The following ADAM22 variants were observed in gnomAD, a reference collection of about 807,000 sequenced individuals.
ADAM22 encodes the protein ADAM metallopeptidase domain 22, also known as disintegrin and metalloproteinase domain-containing protein 22.
A neutral mutation model predicts 144.6 loss-of-function variants in ADAM22; 65 were observed. The ratio of observed to expected loss-of-function variants is 0.45; its 90% CI spans 0.37 to 0.55. The LOEUF is 0.55. Among genes scored for constraint, ADAM22 ranks in the 20% least tolerant of loss-of-function variants. The probability of loss-of-function intolerance (pLI) is 0.00; values close to 1 mark genes in which losing one functional copy is unlikely to be tolerated. For synonymous variants in ADAM22, 391 were observed against 412.6 expected, an observed-to-expected ratio of 0.95 and a Z score of 0.63; for missense variants, 974 against 1,184.9, an observed-to-expected ratio of 0.82 and a Z score of 2.61.
chr7:88,021,637 G>A (rs1401836187), intron 3 of ADAM22, among the ~76,000 whole-genome samples: 1 of 152,074 alleles, frequency 6.6e-6, no homozygotes, highest in East Asian at 1.9e-4. Flanking sequence ...TTCTTCAATG[G>A]ACTTTTCAGT....
intron 3 of ADAM22, among the ~76,000 whole-genome samples, chr7:88,025,248 G>T (rs1175039990): frequency 6.6e-6 from 1 of 152,144 alleles, no homozygotes; most frequent in Admixed American, 6.5e-5. Context: ...TGAGTTGTTT[G>T]AGCTCCTTGT....
At chr7:88,066,442 C>G (rs1368395123) in intron 3 of ADAM22, among the ~76,000 whole-genome samples, 1 of 152,028 alleles carries the variant, frequency 6.6e-6, no homozygotes, top group African/African-American at 2.4e-5. Context: ...TCATGTTTGT[C>G]AAGCAAGATC....
rs1811857864 is a variant in ADAM22 at position 88,068,429 on chromosome 7, T to G, written c.324-7197T>G. Among the ~76,000 whole-genome samples, 3 of 152,314 alleles carry G rather than the reference T, an allele frequency of 2.0e-5. No individual in the cohort carries two copies. The South Asian group carries it at 6.2e-4, about 32-fold the overall frequency. The stretch of plus-strand genomic sequence containing the variant: ...GATTGTGAACTATGATCTGTGGGCT[T>G]CTTTTATTTTCACTGGTTGGATTAT... On this transcript the variant is annotated intron_variant, in intron 3 of 31. Transcript: ENST00000413139.
intron 2 of ADAM22, among the ~76,000 whole-genome samples, chr7:87,939,916 G>A (rs768198061): frequency 1.3e-5 from 2 of 152,086 alleles, no homozygotes; most frequent in Non-Finnish European, 2.9e-5. Flanking sequence ...GCCATTGGCT[G>A]GGCATGGTGG....
intron 2 of ADAM22, among the ~76,000 whole-genome samples, chr7:87,972,266 A>G (rs1277737294): frequency 3.9e-5 from 6 of 152,136 alleles, no homozygotes; most frequent in African/African-American, 1.4e-4. Flanking sequence ...TACAAAAATC[A>G]CAAGCATTCT....
At chr7:88,126,218 A>T (rs539773876) in intron 8 of ADAM22, among the ~76,000 whole-genome samples, 15 of 152,168 alleles carry the variant, frequency 9.9e-5, no homozygotes, top group Middle Eastern at 3.4e-3. Flanking sequence ...TTCCCCTTTC[A>T]CTGAAAGAAA....
intron 4 of ADAM22, among the ~76,000 whole-genome samples, chr7:88,099,436 G>A (rs1822327815): frequency 6.6e-6 from 1 of 152,154 alleles, no homozygotes; most frequent in East Asian, 1.9e-4. Context: ...TTACAACAAA[G>A]AAATTCCGAA....
intron 24 of ADAM22, among the ~76,000 whole-genome samples, chr7:88,166,996 A>T (rs767342719): frequency 6.6e-6 from 1 of 152,168 alleles, no homozygotes; most frequent in African/African-American, 2.4e-5. Context: ...TGTGCATCCC[A>T]CAGAGGACCT....
At chr7:88,094,090 G>A (rs1210073535) in intron 4 of ADAM22, among the ~76,000 whole-genome samples, 1 of 152,148 alleles carries the variant, frequency 6.6e-6, no homozygotes, top group Non-Finnish European at 1.5e-5. Flanking sequence ...CAGTGACAGG[G>A]ATATAGCTAT....
intron 4 of ADAM22, among the ~76,000 whole-genome samples, chr7:88,095,119 G>T (rs1585670524): frequency 6.6e-6 from 1 of 152,178 alleles, no homozygotes; most frequent in African/African-American, 2.4e-5. Flanking sequence ...CAAAGTCTTT[G>T]GTGGCTTCTA....
chr7:87,974,324 A>T (rs964320572), intron 2 of ADAM22, among the ~76,000 whole-genome samples: 2 of 151,554 alleles, frequency 1.3e-5, no homozygotes, highest in African/African-American at 4.8e-5. Flanking sequence ...AAAAAGAAAA[A>T]AAATAAAAGA....
chr7:88,041,551 C>T (rs1186878558), intron 3 of ADAM22, among the ~76,000 whole-genome samples: 1 of 151,882 alleles, frequency 6.6e-6, no homozygotes, highest in Admixed American at 6.6e-5. Flanking sequence ...TCTTTGTAAA[C>T]ATTTCCCACA....
intron 3 of ADAM22, among the ~76,000 whole-genome samples, chr7:88,017,747 T>C (rs565705891): frequency 6.6e-6 from 1 of 152,200 alleles, no homozygotes; most frequent in African/African-American, 2.4e-5. Flanking sequence ...TTCCTTTCAC[T>C]GTTTCTTTGT....
At chr7:88,082,477 A>G (rs1346142878) in intron 4 of ADAM22, among the ~76,000 whole-genome samples, 5 of 152,288 alleles carry the variant, frequency 3.3e-5, no homozygotes, top group Middle Eastern at 3.4e-3. Flanking sequence ...AAAAGCCAAA[A>G]TTGACAAGTG....
At chr7:88,122,582 G>A (rs912152289) in intron 7 of ADAM22, among the ~76,000 whole-genome samples, 1 of 152,094 alleles carries the variant, frequency 6.6e-6, no homozygotes, top group Non-Finnish European at 1.5e-5. Context: ...CTCAAAGTCT[G>A]GAATCTCATT....
intron 3 of ADAM22, among the ~76,000 whole-genome samples, chr7:88,062,155 C>T (rs1014953385): frequency 4.6e-5 from 7 of 151,984 alleles, no homozygotes; most frequent in Admixed American, 3.3e-4. Flanking sequence ...TCTTTTGAAG[C>T]GTTGAAACCA....
intron 4 of ADAM22, among the ~76,000 whole-genome samples, chr7:88,091,321 CTT>C (rs1404546249): frequency 6.6e-6 from 1 of 152,094 alleles, no homozygotes; most frequent in Non-Finnish European, 1.5e-5. Context: ...AATATAATGA[CTT>C]GTTGTATTTC....
At chr7:88,077,311 T>A (rs555409397) in intron 4 of ADAM22, among the ~76,000 whole-genome samples, 1 of 152,302 alleles carries the variant, frequency 6.6e-6, no homozygotes, top group African/African-American at 2.4e-5. Context: ...AACTTTTCAT[T>A]ATGGAAAAGT....
chr7:87,975,457 AG>A (rs1329581938), intron 2 of ADAM22, among the ~76,000 whole-genome samples: 2 of 152,180 alleles, frequency 1.3e-5, no homozygotes, highest in Non-Finnish European at 2.9e-5. Flanking sequence ...AGTCTAAGAA[AG>A]CTTGCCTTAT....
Sources: allele counts gnomAD v4.1 joint callset (sites outside exome capture counted in the v4.1 genomes callset), GRCh38; gene constraint gnomAD v4.1.1; transcripts MANE v1.5; gene names NCBI Gene and HGNC (gene_info 2026-07-23, HGNC 2026-07-21).